Variants in SMARCA1 observed in about 807,000 individuals in gnomAD.
SMARCA1 encodes SNF2 related chromatin remodeling ATPase 1, also known as SWI/SNF-related matrix-associated actin-dependent regulator of chromatin subfamily A member 1.
In SMARCA1, 17 loss-of-function variants were observed where a neutral mutation model predicts 93.6. The observed-to-expected ratio is 0.18, with a 90% CI of 0.12 to 0.27. The LOEUF is 0.27. Ranked by LOEUF, SMARCA1 falls within the 10% of genes least tolerant of loss-of-function variation. The pLI is 1.00. For missense variants in SMARCA1, 630 were observed against 819.0 expected (o/e 0.77, Z 2.82); for synonymous variants, 271 against 271.4 (o/e 1.00, Z 0.01).
chrX:129,501,299 CT>C (rs67871991), intron 9 of SMARCA1, among the ~76,000 whole-genome samples: 22,631 of 100,601 alleles, frequency 0.22, 2,815 homozygotes, highest in African/African-American at 0.44. Context: ...ATATACCAAA[CT>C]TTTTTTTTTT....
At chrX:129,473,298 C>T (rs1007939629) in intron 19 of SMARCA1, among the ~76,000 whole-genome samples, 3 of 111,124 alleles carry the variant, frequency 2.7e-5, no homozygotes, top group Admixed American at 9.6e-5. Flanking sequence ...CTAGAAATGA[C>T]GCATGATCAT....
Position 129,523,215 on chromosome X carries a change from C to G in SMARCA1, c.156G>C (p.Lys52Asn), listed in dbSNP as rs1470631215. 1 of 1,211,553 alleles carries G rather than the reference C, an allele frequency of 8.3e-7. No homozygotes were observed. The highest frequency in any genetic ancestry group is 1.8e-5 in the South Asian group (1 of 56,996). Reference protein sequence around the residue: ...AATEATAATEKGEKKKEKNVS... With the variant: ...AATEATAATENGEKKKEKNVS... ...TATTTACCTCCTTCTTCTTCTCGCC[C>G]TTCTCCGTGGCCGCGGTGGCTTCGG... Residue 52 changes from lysine to asparagine, a missense_variant, in exon 1 of 25, where the codon AAG (lysine) becomes AAC (asparagine). Coordinates refer to ENST00000371121, the MANE Select transcript of SMARCA1 (RefSeq NM_001282874.2).
intron 23 of SMARCA1, among the ~76,000 whole-genome samples, chrX:129,462,650 T>C (rs111379976): frequency 0.019 from 2,175 of 111,634 alleles, 50 homozygotes; most frequent in African/African-American, 0.066. Context: ...AATTAAAATA[T>C]TTAAATATAA....
chrX:129,482,627 A>G (rs1384266802), intron 17 of SMARCA1, among the ~76,000 whole-genome samples: 1 of 112,112 alleles, frequency 8.9e-6, no homozygotes, highest in Non-Finnish European at 1.9e-5. Flanking sequence ...CATTAAGTAA[A>G]CTGCCAAGAG....
chrX:129,484,930 T>C (rs1333322126), intron 17 of SMARCA1, among the ~76,000 whole-genome samples: 1 of 111,678 alleles, frequency 9.0e-6, no homozygotes, highest in African/African-American at 3.3e-5. Flanking sequence ...TGGCAGACAA[T>C]GTATTGGAAA....
intron 20 of SMARCA1, among the ~76,000 whole-genome samples, chrX:129,470,048 A>C (rs5930342): frequency 0.23 from 25,989 of 110,726 alleles, 2,790 homozygotes; most frequent in African/African-American, 0.4. Flanking sequence ...ATACAATAAA[A>C]TTACGTTATA....
intron 23 of SMARCA1, among the ~76,000 whole-genome samples, chrX:129,458,138 CAA>C (rs1932717971): frequency 8.9e-6 from 1 of 112,190 alleles, no homozygotes; most frequent in Non-Finnish European, 1.9e-5. Context: ...CGAAAACAGC[CAA>C]AGACAATACA....
At chrX:129,465,783 C>T in intron 22 of SMARCA1, 51 bp from the exon 23 acceptor site, 1 of 1,045,187 alleles carries the variant, frequency 9.6e-7, no homozygotes, top group Non-Finnish European at 1.3e-6. Context: ...AGTAAGAAGT[C>T]AAAGCTGACC....
intron 17 of SMARCA1, among the ~76,000 whole-genome samples, chrX:129,483,715 G>A (rs1270344314): frequency 1.8e-5 from 2 of 111,492 alleles, no homozygotes; most frequent in South Asian, 3.7e-4. Flanking sequence ...AAATCATACC[G>A]AATTAGTTTA....
At chrX:129,511,777 G>T in intron 6 of SMARCA1, 27 bp downstream of exon 6, 1 of 1,129,856 alleles carries the variant, frequency 8.9e-7, no homozygotes, top group Non-Finnish European at 1.2e-6. Flanking sequence ...ATTCTTAACT[G>T]CCTTTTTACA....
Position 129,504,799 on chromosome X carries a change from A to C in SMARCA1, c.1102T>G (p.Phe368Val), listed in dbSNP as rs1843147782. The C allele has an allele frequency of 8.5e-7, 1 of 1,181,479 alleles. No homozygotes were observed. The highest frequency in any genetic ancestry group is 1.2e-6 in the Non-Finnish European group (1 of 868,677). ...TTTTTAGTGTCAAACCAAGAATCAA[A>C]GTCCTGTAGAGGGGTGGAAATTCTC... ...LPDVFNSADD[F>V]DSWFDTKNCL... The change falls in exon 9 of 25, where the codon TTT becomes GTT. Residue 368 changes from phenylalanine (F) to valine (V), a missense_variant. Transcript: ENST00000371121.
chrX:129,498,254 A>T (rs753096620), intron 10 of SMARCA1, among the ~76,000 whole-genome samples, 183 bp from the exon 11 acceptor site: 16 of 112,080 alleles, frequency 1.4e-4, no homozygotes, highest in Middle Eastern at 4.6e-3. Context: ...TGTGTTGCTT[A>T]TAAACCTGTT....
intron 11 of SMARCA1, 141 bp from the exon 12 acceptor site, chrX:129,497,012 C>A (rs763500485): frequency 5.3e-5 from 24 of 449,023 alleles, no homozygotes; most frequent in Non-Finnish European, 8.4e-5. Context: ...CACACACACA[C>A]ACACACACAC....
intron 9 of SMARCA1, among the ~76,000 whole-genome samples, chrX:129,500,446 G>A (rs1193793365): frequency 2.7e-5 from 3 of 112,699 alleles, no homozygotes; most frequent in Non-Finnish European, 5.6e-5. Context: ...GATTACAGGC[G>A]TGAGCCACTG....
chrX:129,469,374 T>C (rs958831215), intron 20 of SMARCA1, among the ~76,000 whole-genome samples: 45 of 111,681 alleles, frequency 4.0e-4, no homozygotes, highest in African/African-American at 1.5e-3. Flanking sequence ...CATTCTGAAC[T>C]AGTGTGAATA....
intron 11 of SMARCA1, among the ~76,000 whole-genome samples, chrX:129,497,595 C>T (rs1934385993): frequency 9.0e-6 from 1 of 111,573 alleles, no homozygotes; most frequent in African/African-American, 3.3e-5. Flanking sequence ...CTCCCAGTTT[C>T]TCAACATATC....
At position 129,468,767 on chromosome X, in the gene SMARCA1, A is replaced by G. The variant is rs775267101; in HGVS notation, c.2698+6T>C. ...TACAACACCATGTTTCAAATTATAT[A>G]CAAACCTGAATACTCCATGACCTCC... On this transcript the variant is annotated splice_donor_region_variant and intron_variant, in intron 21 of 24. Transcript: ENST00000371121. The G allele has an allele frequency of 8.6e-7, 1 of 1,158,183 alleles. No homozygotes were observed. The highest frequency in any genetic ancestry group is 3.0e-5 in the East Asian group (1 of 32,862).
At chrX:129,470,200 CTAAAG>C (rs1169143498) in intron 20 of SMARCA1, among the ~76,000 whole-genome samples, 5 of 111,794 alleles carry the variant, frequency 4.5e-5, no homozygotes, top group African/African-American at 6.5e-5. Context: ...ACCCTCTATA[CTAAAG>C]TAATGTCCTA....
chrX:129,485,486 T>A lies in SMARCA1; in HGVS notation c.2217+1532A>T, dbSNP rs191882554. On this transcript the variant is annotated intron_variant, in intron 17 of 24. Coordinates refer to ENST00000371121, the MANE Select transcript of SMARCA1 (RefSeq NM_001282874.2). ...TTGAGACTGAGATGAGACTTTGGAC[T>A]TTTTAGCTGATGCTGGAACAAATTA... Among the ~76,000 whole-genome samples the A allele has an allele frequency of 5.3e-5, 6 of 112,323 alleles. No homozygotes were observed. The East Asian group carries it at 8.4e-4, about 16-fold the overall frequency.
Sources: allele counts gnomAD v4.1 joint callset (sites outside exome capture counted in the v4.1 genomes callset), GRCh38; gene constraint gnomAD v4.1.1; transcripts MANE v1.5; gene names NCBI Gene and HGNC (gene_info 2026-07-23, HGNC 2026-07-21).